The following CEMIP variants were observed in gnomAD, a reference collection of about 807,000 sequenced individuals.
CEMIP encodes cell migration-inducing and hyaluronan-binding protein.
Under a neutral mutation model 156.9 loss-of-function variants are expected in CEMIP, and 105 were observed. The ratio of observed to expected loss-of-function variants is 0.67; its 90% CI spans 0.57 to 0.79. CEMIP has a LOEUF of 0.79. CEMIP is among the 30% of genes least tolerant of loss of function. The pLI is 0.00. For missense variants in CEMIP, 1,457 were observed against 1,769.4 expected (o/e 0.82, Z 3.17); for synonymous variants, 676 against 668.4 (o/e 1.01, Z -0.17).
intron 14 of CEMIP, among the ~76,000 whole-genome samples, chr15:80,912,623 AG>A (rs1175511146): frequency 1.3e-5 from 2 of 152,190 alleles, no homozygotes; most frequent in South Asian, 4.1e-4. Flanking sequence ...GACAGACAGC[AG>A]GGTAATGGAG....
At chr15:80,802,014 G>T (rs758341238) in intron 1 of CEMIP, among the ~76,000 whole-genome samples, 1 of 152,212 alleles carries the variant, frequency 6.6e-6, no homozygotes, top group African/African-American at 2.4e-5. Context: ...CATCTGGAGA[G>T]TGTGGTATCT....
chr15:80,895,322 G>C (rs927429125), intron 11 of CEMIP, among the ~76,000 whole-genome samples, 200 bp downstream of exon 11: 4 of 152,198 alleles, frequency 2.6e-5, no homozygotes, highest in South Asian at 2.1e-4. Context: ...CTTTCAGGAA[G>C]GGGAAGGGCC....
At chr15:80,859,196 G>A (rs994734005) in intron 1 of CEMIP, among the ~76,000 whole-genome samples, 3 of 152,160 alleles carry the variant, frequency 2.0e-5, no homozygotes, top group South Asian at 2.1e-4. Flanking sequence ...CAAGGCGAGT[G>A]GGTCAGCCCC....
chr15:80,922,475 C>G (rs1013207671), intron 17 of CEMIP, among the ~76,000 whole-genome samples: 1 of 152,186 alleles, frequency 6.6e-6, no homozygotes, highest in Admixed American at 6.5e-5. Context: ...ATTCACTTGG[C>G]GGGGCTGGGT....
chr15:80,785,523 G>A (rs1352998132), intron 1 of CEMIP, among the ~76,000 whole-genome samples: 1 of 152,218 alleles, frequency 6.6e-6, no homozygotes, highest in East Asian at 1.9e-4. Context: ...TCACTGAGAA[G>A]GCAGTTGAAT....
intron 12 of CEMIP, among the ~76,000 whole-genome samples, chr15:80,900,588 GTGTGTGTGTGTGTGTGT>G (rs1899447645): frequency 7.0e-5 from 4 of 56,960 alleles, no homozygotes; most frequent in African/African-American, 1.9e-4. Flanking sequence ...AGGTAGGGGT[GTGTGTGTGTGTGTGTGT>G]GTGTGTGTGT....
rs370884257 is a variant in CEMIP at position 80,941,454 on chromosome 15, G to C, written c.3408-395G>C. On this transcript the variant is annotated intron_variant, in intron 25 of 29. Transcript: ENST00000394685. Reference sequence around the variant, plus strand: ...CGGGCACAATGCTGGGATGGAAAATGCTGGCTTTGTCACTTCCCAGCTGTG... The same window carrying C: ...CGGGCACAATGCTGGGATGGAAAATCCTGGCTTTGTCACTTCCCAGCTGTG... Among the ~76,000 whole-genome samples, 378 of 152,274 alleles carry C rather than the reference G, an allele frequency of 2.5e-3. 2 individuals are homozygous for C. The highest frequency in any genetic ancestry group is 8.1e-3 in the African/African-American group (336 of 41,570).
intron 1 of CEMIP, among the ~76,000 whole-genome samples, chr15:80,812,159 G>A (rs115392000): frequency 0.014 from 2,129 of 152,256 alleles, 50 homozygotes; most frequent in African/African-American, 0.048. Context: ...GATTACAGGC[G>A]CATGACACCG....
chr15:80,791,160 A>T (rs1896071999), intron 1 of CEMIP, among the ~76,000 whole-genome samples: 1 of 152,016 alleles, frequency 6.6e-6, no homozygotes, highest in Non-Finnish European at 1.5e-5. Flanking sequence ...CTGTGGCTGG[A>T]AATGAGATCA....
intron 1 of CEMIP, among the ~76,000 whole-genome samples, chr15:80,793,171 T>C (rs968998094): frequency 2.0e-5 from 3 of 152,142 alleles, no homozygotes; most frequent in Admixed American, 6.5e-5. Context: ...GTTGGTGCAA[T>C]AGTGAAATTT....
chr15:80,838,450 T>C (rs541513876), intron 1 of CEMIP, among the ~76,000 whole-genome samples: 5 of 152,280 alleles, frequency 3.3e-5, no homozygotes, highest in Admixed American at 6.5e-5. Context: ...ATGGCCTCTC[T>C]GGCTCAGCAG....
At chr15:80,849,524 C>T (rs926457875) in intron 1 of CEMIP, among the ~76,000 whole-genome samples, 4 of 152,174 alleles carry the variant, frequency 2.6e-5, no homozygotes, top group East Asian at 1.9e-4. Context: ...GCCGTGGGAT[C>T]GGTTACCAAC....
In CEMIP at chr15:80,937,050, A is replaced by G. The variant is rs546537041; in HGVS notation, c.3221+165A>G. Among the ~76,000 whole-genome samples the G allele has an allele frequency of 1.3e-4, 20 of 152,392 alleles. No individual in the cohort carries two copies. In the South Asian group the frequency reaches 3.1e-3, roughly 24 times the overall value. On this transcript the variant is annotated intron_variant, in intron 24 of 29. Transcript: ENST00000394685. ...CCAGGAGTTAAGAATTAAAGGACAC[A>G]GGCCAAGCCCCCGCTCCAGCATGGG...
chr15:80,938,943 C>T (rs1428982086), intron 25 of CEMIP, among the ~76,000 whole-genome samples: 1 of 152,172 alleles, frequency 6.6e-6, no homozygotes, highest in African/African-American at 2.4e-5. Context: ...AAACTGATAA[C>T]AGATGATCTA....
chr15:80,788,731 G>T (rs1896007888), intron 1 of CEMIP, among the ~76,000 whole-genome samples: 3 of 151,754 alleles, frequency 2.0e-5, no homozygotes, highest in South Asian at 4.2e-4. Flanking sequence ...AGATCCATTT[G>T]CATGTTACTC....
intron 3 of CEMIP, among the ~76,000 whole-genome samples, chr15:80,876,839 C>A (rs1484089418): frequency 6.6e-6 from 1 of 152,136 alleles, no homozygotes; most frequent in Non-Finnish European, 1.5e-5. Context: ...GATAGCTGAA[C>A]AAAAATCAAG....
At position 80,942,935 on chromosome 15, in the gene CEMIP, G is replaced by C; in HGVS notation, c.3700-10G>C. ...CCCTGCCTCACACCTGGATTGCTCT[G>C]GCTCTGTAGGTGGATGGGAAGAAGT... On this transcript the variant is annotated splice_polypyrimidine_tract_variant and intron_variant, in intron 27 of 29. Transcript: ENST00000394685. The C allele has an allele frequency of 6.2e-7, 1 of 1,614,194 alleles. No homozygotes were observed. The highest frequency in any genetic ancestry group is 2.2e-5 in the East Asian group (1 of 44,880).
At chr15:80,801,663 T>A (rs1350018190) in intron 1 of CEMIP, among the ~76,000 whole-genome samples, 1 of 152,196 alleles carries the variant, frequency 6.6e-6, no homozygotes, top group African/African-American at 2.4e-5. Flanking sequence ...GAGAGAAGGA[T>A]GAGTGGAATG....
rs1901704205 is a variant in CEMIP, at chr15:80,949,137, C to T, written c.*213C>T. The T allele has an allele frequency of 3.2e-6, 2 of 625,142 alleles. No homozygotes were observed. The highest frequency in any genetic ancestry group is 5.7e-6 in the Non-Finnish European group (2 of 352,336). 38.7% of individuals were successfully genotyped at this position (625,142 alleles called of 1,614,324 possible). ...TCTACCTGGAGCCCCTGGGGCGGTG[C>T]TGGCCAATGCTGGAAACATTCACTT... is the stretch of plus-strand genomic sequence containing the variant. On this transcript the variant is annotated 3_prime_UTR_variant, in exon 30 of 30. Transcript: ENST00000394685.
Sources: gnomAD v4.1 joint callset for allele counts (sites outside exome capture counted in the v4.1 genomes callset) on GRCh38, gnomAD v4.1.1 for gene constraint, MANE v1.5 for transcripts, NCBI Gene and HGNC (gene_info 2026-07-23, HGNC 2026-07-21) for gene names.